Variants in SMTNL2 observed in about 807,000 individuals in gnomAD.
The protein encoded by SMTNL2 is smoothelin like 2, also known as smoothelin-like protein 2.
A neutral mutation model predicts 44.1 loss-of-function variants in SMTNL2; 43 were observed. The observed-to-expected ratio is 0.98, with a 90% CI of 0.76 to 1.26. The LOEUF is 1.26. Among genes scored for constraint, SMTNL2 ranks in the 50% most tolerant of loss-of-function variants. The probability of loss-of-function intolerance (pLI) is 0.00; values close to 1 mark genes in which losing one functional copy is unlikely to be tolerated. For synonymous variants in SMTNL2, 317 were observed against 287.6 expected (o/e 1.10, Z -1.03); for missense variants, 646 against 670.2 (o/e 0.96, Z 0.40).
At chr17:4,601,542 G>A (rs183861288) in intron 7 of SMTNL2, among the ~76,000 whole-genome samples, 214 of 151,822 alleles carry the variant, frequency 1.4e-3, no homozygotes, top group African/African-American at 4.9e-3. Context: ...TTGATTGATT[G>A]ACACAAGATC....
At chr17:4,585,791 G>T (rs1369429676) in intron 1 of SMTNL2, among the ~76,000 whole-genome samples, 1 of 152,202 alleles carries the variant, frequency 6.6e-6, no homozygotes, top group Non-Finnish European at 1.5e-5. Flanking sequence ...GGGTTCCCAG[G>T]ATCTGGGGCT....
chr17:4,588,499 C>T (rs1909435473), intron 1 of SMTNL2, among the ~76,000 whole-genome samples: 2 of 152,182 alleles, frequency 1.3e-5, no homozygotes, highest in Admixed American at 1.3e-4. Context: ...GCCCCGGTCC[C>T]AGCATACCGA....
chr17:4,607,838 G>A lies in SMTNL2; in HGVS notation c.*351G>A, dbSNP rs1910344883. 1.0e-5 allele frequency: 2 copies of A among 193,370 alleles called. No individual in the cohort carries two copies. The highest frequency in any genetic ancestry group is 2.3e-5 in the African/African-American group (1 of 42,802). The allele number at this position is 193,370 out of a possible 1,614,324, so 12.0% of individuals were successfully genotyped here. A position where few individuals can be genotyped will look rare whatever the true frequency, so the allele number is the denominator to read the frequency against. ...TTCCCTCTGGTGAATTCGATACATC[G>A]GCTTTACAGGGTTACAGTGATTACC... On this transcript the variant is annotated 3_prime_UTR_variant, in exon 8 of 8. Coordinates refer to ENST00000389313, the MANE Select transcript of SMTNL2 (RefSeq NM_001114974.2). The surrounding 1 kb of genome is among the most constrained non-coding windows in gnomAD (Gnocchi z 4.7).
chr17:4,593,959 C>A, intron 4 of SMTNL2, 62 bp downstream of exon 4: 1 of 1,583,828 alleles, frequency 6.3e-7, no homozygotes, highest in African/African-American at 1.3e-5. Context: ...CTGCTTTGGA[C>A]GCAGGCCGCC....
intron 1 of SMTNL2, among the ~76,000 whole-genome samples, chr17:4,587,026 CAA>C (rs537803765): frequency 4.2e-4 from 64 of 152,242 alleles, no homozygotes; most frequent in African/African-American, 1.5e-3. Flanking sequence ...TGGGCAGAAG[CAA>C]AGAGTCTGAA....
chr17:4,596,153 G>A (rs575970583), intron 5 of SMTNL2, among the ~76,000 whole-genome samples: 62 of 137,758 alleles, frequency 4.5e-4, no homozygotes, highest in Middle Eastern at 4.5e-3. Context: ...TGGCCCAAGC[G>A]TGGTATTGAT....
At chr17:4,596,331 C>T (rs1341421514) in intron 5 of SMTNL2, among the ~76,000 whole-genome samples, 2 of 152,218 alleles carry the variant, frequency 1.3e-5, no homozygotes, top group Non-Finnish European at 2.9e-5. Flanking sequence ...GGGGGACCGA[C>T]CCCGGACATC....
At chr17:4,586,258 G>C (rs1156779306) in intron 1 of SMTNL2, among the ~76,000 whole-genome samples, 1 of 152,170 alleles carries the variant, frequency 6.6e-6, no homozygotes, top group Non-Finnish European at 1.5e-5. Context: ...ACCCGGGAGT[G>C]TCCCAGTGCT....
chr17:4,593,309 C>G (rs917339584), intron 3 of SMTNL2, 138 bp downstream of exon 3: 2 of 1,299,366 alleles, frequency 1.5e-6, no homozygotes, highest in Non-Finnish European at 2.0e-6. Context: ...CCTGCCATGT[C>G]AGCCCCTTCC....
rs1909685718 is a variant in SMTNL2, at chr17:4,593,811, C to G, written c.731-11C>G. On this transcript the variant is annotated splice_polypyrimidine_tract_variant and intron_variant, in intron 3 of 7. Coordinates refer to ENST00000389313, the MANE Select transcript of SMTNL2 (RefSeq NM_001114974.2). ...CAGGGTTTGTTACTTCTCTCCCTCT[C>G]TCTTCCACAGAGAAGAATTCCTCTT... is the stretch of plus-strand genomic sequence containing the variant. 6.2e-7 allele frequency: 1 copy of G among 1,613,110 alleles called. No individual in the cohort carries two copies. Among genetic ancestry groups the G allele is most frequent in the African/African-American group, 1.3e-5 (1 of 74,926 alleles).
chr17:4,589,989 CAG>C lies in SMTNL2; in HGVS notation c.400-2369_400-2368del, dbSNP rs1216287342. 8.2e-4 allele frequency among the ~76,000 whole-genome samples: 84 copies of C among 101,906 alleles called. 1 individual carries two copies. The highest frequency in any genetic ancestry group is 1.2e-3 in the Non-Finnish European group (69 of 56,198). The allele number at this position is 101,906 out of a possible 152,430, so 66.9% of individuals were successfully genotyped here. A position where few individuals can be genotyped will look rare whatever the true frequency, so the allele number is the denominator to read the frequency against. ...TTTTTTTTTTTTTTTTTTTTTGAGA[CAG>C]AGTCTCGCTCTGTTGCTCAGGCTGG... On this transcript the variant is annotated intron_variant, in intron 1 of 7. Coordinates refer to ENST00000389313, the MANE Select transcript of SMTNL2 (RefSeq NM_001114974.2).
chr17:4,600,420 G>A lies in SMTNL2; in HGVS notation c.1259+3097G>A, dbSNP rs1179305863. Among the ~76,000 whole-genome samples the A allele has an allele frequency of 1.3e-5, 2 of 152,192 alleles. No homozygotes were observed. The highest frequency in any genetic ancestry group is 2.9e-5 in the Non-Finnish European group (2 of 68,038). On this transcript the variant is annotated intron_variant, in intron 7 of 7. Coordinates refer to ENST00000389313, the MANE Select transcript of SMTNL2 (RefSeq NM_001114974.2). This position sits in a 1 kb window ranked among gnomAD's most constrained non-coding sequence, Gnocchi z 4.7. The stretch of plus-strand genomic sequence containing the variant: ...CTGGGGTCTGACAAGACAACTTCTG[G>A]AAGGGAAAGGAGGACACAGGTCCCC...
At chr17:4,585,977 T>G (rs531358591) in intron 1 of SMTNL2, among the ~76,000 whole-genome samples, 1 of 152,170 alleles carries the variant, frequency 6.6e-6, no homozygotes, top group East Asian at 1.9e-4. Flanking sequence ...GCCAGAGATG[T>G]TTTGCTCCAA....
chr17:4,594,760 A>C (rs1909735660), intron 4 of SMTNL2, among the ~76,000 whole-genome samples: 1 of 151,256 alleles, frequency 6.6e-6, no homozygotes, highest in Admixed American at 6.6e-5. Flanking sequence ...TTTCTGGCAA[A>C]CCGTTCTGGG....
At position 4,595,211 on chromosome 17, in the gene SMTNL2, T is replaced by A. The variant is rs760721772; in HGVS notation, c.873T>A (p.His291Gln). The change falls in exon 5 of 8, where the codon CAT (histidine) becomes CAA (glutamine). Residue 291 changes from histidine (H) to glutamine (Q), a missense_variant. By Grantham distance (24) the His-to-Gln change is conservative (BLOSUM62 0). Coordinates refer to ENST00000389313, the MANE Select transcript of SMTNL2 (RefSeq NM_001114974.2). The surrounding 1 kb of genome is among the most constrained non-coding windows in gnomAD (Gnocchi z 5.1). The part of the protein sequence containing the change: ...SPQPPAITQV[H>Q]RQGERRRELV... ...AGCCGCCAGCCATAACTCAGGTCCA[T>A]CGGCAGGGGGAGCGTCGCAGGGAGC... 2 of 1,613,394 alleles carry A rather than the reference T, an allele frequency of 1.2e-6. No homozygotes were observed. Among genetic ancestry groups the A allele is most frequent in the South Asian group, 1.1e-5 (1 of 91,080 alleles).
chr17:4,599,399 A>G (rs1479011066), intron 7 of SMTNL2, among the ~76,000 whole-genome samples: 2 of 152,132 alleles, frequency 1.3e-5, no homozygotes, highest in Non-Finnish European at 2.9e-5. Context: ...CGAAGCCCAG[A>G]CGTGGCAACC....
In SMTNL2 at chr17:4,595,405, GGCAAGGTTCA is replaced by G. The variant is rs1204049277; in HGVS notation, c.989+81_989+90del. ...GACGGGGCTTGGGTGGGTGCAGCAGGGCAAGGTTCAGCCCTGTCCTGTTCCCCAGGGCGCT... is the reference window on the plus strand; with the variant it reads ...GACGGGGCTTGGGTGGGTGCAGCAGGGCCCTGTCCTGTTCCCCAGGGCGCT... On this transcript the variant is annotated intron_variant, in intron 5 of 7. Coordinates refer to ENST00000389313, the MANE Select transcript of SMTNL2 (RefSeq NM_001114974.2). The surrounding 1 kb of genome is among the most constrained non-coding windows in gnomAD (Gnocchi z 5.1). The G allele has an allele frequency of 6.5e-6, 10 of 1,547,038 alleles. No homozygotes were observed. The highest frequency in any genetic ancestry group is 4.4e-4 in the Middle Eastern group (2 of 4,518).
Position 4,592,441 on chromosome 17 carries a change from G to T in SMTNL2, c.480G>T (p.Pro160=), listed in dbSNP as rs766601629. The change falls in exon 2 of 8, where the codon CCG becomes CCT. Residue 160 remains proline (P), a synonymous_variant. Transcript: ENST00000389313. The surrounding 1 kb of genome is among the most constrained non-coding windows in gnomAD (Gnocchi z 4.5). The part of the protein sequence containing the change: ...NSCIMENGHQ[P]GAGPGDGPPE... ...GCATCATGGAAAATGGGCACCAGCC[G>T]GGGGCAGGTAGGGCTGACGGCAGAG... The T allele has an allele frequency of 6.2e-7, 1 of 1,612,588 alleles. No individual in the cohort carries two copies. The highest frequency in any genetic ancestry group is 1.1e-5 in the South Asian group (1 of 90,974).
At chr17:4,591,464 T>A (rs1215261743) in intron 1 of SMTNL2, among the ~76,000 whole-genome samples, 3 of 152,156 alleles carry the variant, frequency 2.0e-5, no homozygotes, top group Admixed American at 1.3e-4. Flanking sequence ...TTTTTTGCTG[T>A]ATAACTTTGG....
Sources: gnomAD v4.1 joint callset for allele counts (sites outside exome capture counted in the v4.1 genomes callset) on GRCh38, gnomAD v4.1.1 for gene constraint, Gnocchi (gnomAD v3.1) non-coding constraint, MANE v1.5 for transcripts, NCBI Gene and HGNC (gene_info 2026-07-23, HGNC 2026-07-21) for gene names.